TUBGCP6: variants seen among roughly 807,000 people sequenced by gnomAD.
The protein encoded by TUBGCP6 is gamma-tubulin complex component 6.
Under a neutral mutation model 175.8 loss-of-function variants are expected in TUBGCP6, and 161 were observed. The observed-to-expected ratio is 0.92, with a 90% confidence interval of 0.81 to 1.04. The LOEUF (loss-of-function observed/expected upper bound fraction) is 1.04, where lower values mean the gene tolerates loss of function less well. Among genes scored for constraint, TUBGCP6 ranks in the 50% least tolerant of loss-of-function variants. The pLI, the probability that TUBGCP6 is intolerant of heterozygous loss-of-function variation, is 0.00. For missense variants in TUBGCP6, 2,572 were observed against 2,433.0 expected, an observed-to-expected ratio of 1.06 and a Z score of -1.20; for synonymous variants, 1,173 against 1,030.5, an observed-to-expected ratio of 1.14 and a Z score of -2.65.
rs6010211 is a variant in TUBGCP6, at chr22:50,229,430, A to C, written c.1264T>G (p.Leu422Val). 1 of 1,613,608 alleles carries C rather than the reference A, an allele frequency of 6.2e-7. No homozygotes were observed. The highest frequency in any genetic ancestry group is 1.3e-5 in the African/African-American group (1 of 75,012). The change falls in exon 4 of 25, where the codon TTG (leucine) becomes GTG (valine). Residue 422 changes from leucine (L) to valine (V), a missense_variant. Transcript: ENST00000248846. ...TGGAACACGAGGCCCTTGCTGTACA[A>C]AGAGTCCAGGACGGGCTGCAGAGAG... Reference protein sequence around the residue: ...HFSLQPVLDSLYSKGLVFQAF... With the variant: ...HFSLQPVLDSVYSKGLVFQAF...
At chr22:50,236,746 G>T (rs1383673359) in intron 2 of TUBGCP6, among the ~76,000 whole-genome samples, 1 of 152,214 alleles carries the variant, frequency 6.6e-6, no homozygotes, top group East Asian at 1.9e-4. Flanking sequence ...GCTCCCTCAG[G>T]ATGAGATGAG....
chr22:50,221,203 G>C lies in TUBGCP6; in HGVS notation c.3156C>G (p.Thr1052=), dbSNP rs1365296916. The C allele has an allele frequency of 1.2e-6, 2 of 1,611,832 alleles. No homozygotes were observed. The highest frequency in any genetic ancestry group is 2.7e-5 in the African/African-American group (2 of 74,914). The change falls in exon 16 of 25, where the codon ACC becomes ACG. Residue 1052 remains threonine (T), a synonymous_variant. Coordinates refer to ENST00000248846, the MANE Select transcript of TUBGCP6 (RefSeq NM_020461.4). ...TGCTGGCGTCAGACACGTGCCCGTG[G>C]GTGTTCCACCGTGGCCGGGTGGGAG... ...EIAPTRPRWN[T]HGHVSDASIR...
chr22:50,240,056 T>G, intron 2 of TUBGCP6, 148 bp downstream of exon 2: 2 of 1,093,162 alleles, frequency 1.8e-6, no homozygotes, highest in Non-Finnish European at 2.7e-6. Context: ...CTCCCAGGAC[T>G]CAGTCAATTT....
rs762437689 is a variant in TUBGCP6, at chr22:50,218,367, G to A, written c.4990C>T (p.Arg1664Cys). 2.0e-5 allele frequency: 32 copies of A among 1,612,942 alleles called. No homozygotes were observed. Among genetic ancestry groups the A allele is most frequent in the Middle Eastern group, 1.6e-4 (1 of 6,084 alleles). ...TCGTGCTTGAACAGCTGCAGCTGAC[G>A]GAACTGCACAGAGCCGGCCATGTGG... ...LSHMAGSVQF[R>C]QLQLFKHEMQ... Residue 1664 changes from arginine to cysteine, a missense_variant, in exon 23 of 25, where the codon CGT becomes TGT. Arg to Cys is a radical substitution (Grantham distance 180, BLOSUM62 -3). Coordinates refer to ENST00000248846, the MANE Select transcript of TUBGCP6 (RefSeq NM_020461.4).
chr22:50,236,830 G>A (rs2064783485), intron 2 of TUBGCP6, among the ~76,000 whole-genome samples: 1 of 152,160 alleles, frequency 6.6e-6, no homozygotes, highest in Non-Finnish European at 1.5e-5. Context: ...CTCGGCAGGG[G>A]TGCAGGCTGT....
rs1343924079 is a variant in TUBGCP6, at chr22:50,244,476, G to A, written c.-17C>T. The A allele has an allele frequency of 3.1e-6, 5 of 1,595,406 alleles. No individual in the cohort carries two copies. The highest frequency in any genetic ancestry group is 2.2e-5 in the East Asian group (1 of 44,528). On this transcript the variant is annotated 5_prime_UTR_variant, in exon 1 of 25. Transcript: ENST00000248846. ...GCTGGCCATGCCCCTTCTCAGCTCCGGGCCCCCGGCGTGTGGGAAAACACC... is the reference window on the plus strand; with the variant it reads ...GCTGGCCATGCCCCTTCTCAGCTCCAGGCCCCCGGCGTGTGGGAAAACACC...
chr22:50,228,005 C>G lies in TUBGCP6; in HGVS notation c.1314G>C (p.Arg438Ser). 1.3e-6 allele frequency: 2 copies of G among 1,563,634 alleles called. No homozygotes were observed. Among genetic ancestry groups the G allele is most frequent in the Non-Finnish European group, 1.7e-6 (2 of 1,153,954 alleles). Residue 438 changes from arginine to serine, a missense_variant, in exon 5 of 25, where the codon AGG becomes AGC. By Grantham distance (110) the Arg-to-Ser change is moderately radical (BLOSUM62 -1). Coordinates refer to ENST00000248846, the MANE Select transcript of TUBGCP6 (RefSeq NM_020461.4). Reference protein sequence around the residue: ...VFQAFTSGLRRYLQYYRACVL... With the variant: ...VFQAFTSGLRSYLQYYRACVL... ...CGCAGGCCCGGTAATACTGCAGGTA[C>G]CTCCTCAGGCCACTGGTGAAGGCCT...
chr22:50,242,119 C>G (rs78007116), intron 1 of TUBGCP6, among the ~76,000 whole-genome samples: 2,313 of 151,880 alleles, frequency 0.015, 61 homozygotes, highest in East Asian at 0.12. Context: ...GGTGAAACCC[C>G]GTCTCTACTA....
rs763989282 is a variant in TUBGCP6 at position 50,219,098 on chromosome 22, G to C, written c.4596C>G (p.Ala1532=). 6.2e-6 allele frequency: 10 copies of C among 1,612,828 alleles called. 1 individual carries two copies. In the South Asian group the frequency reaches 1.1e-4, roughly 18 times the overall value. Residue 1532 remains alanine (A), a synonymous_variant, in exon 20 of 25, where the codon GCC becomes GCG. Transcript: ENST00000248846. ...HFLLMEDGEF[A]QSLSDLLFEK... ...CAAAGAGCAGGTCGCTGAGGGACTGGGCGAACTCGCCGTCCTCCATCAGCA... is the reference window on the plus strand; with the variant it reads ...CAAAGAGCAGGTCGCTGAGGGACTGCGCGAACTCGCCGTCCTCCATCAGCA...
At position 50,218,176 on chromosome 22, in the gene TUBGCP6, G is replaced by GAAGA; in HGVS notation, c.5168+12_5168+13insTCTT. 6.2e-7 allele frequency: 1 copy of GAAGA among 1,610,898 alleles called. No individual in the cohort carries two copies. Among genetic ancestry groups the GAAGA allele is most frequent in the Non-Finnish European group, 8.5e-7 (1 of 1,179,328 alleles). On this transcript the variant is annotated intron_variant, in intron 23 of 24. Transcript: ENST00000248846. Reference sequence around the variant, plus strand: ...CCGTGACCACAGGGACGCAGCCGCTGCCCAGGCCTCACCTGAAGACGGCCT... The same window carrying GAAGA: ...CCGTGACCACAGGGACGCAGCCGCTGAAGACCCAGGCCTCACCTGAAGACGGCCT...
chr22:50,222,475 T>C lies in TUBGCP6; in HGVS notation c.2388A>G (p.Leu796=), dbSNP rs755180687. Residue 796 remains leucine (L), a synonymous_variant, in exon 14 of 25, where the codon TTA becomes TTG. Coordinates refer to ENST00000248846, the MANE Select transcript of TUBGCP6 (RefSeq NM_020461.4). Reference sequence around the variant, plus strand: ...ATACCTGAATGTGTTTCTCATCTTCTAAGAGAAAACGAAGCCGTGCACTCT... The same window carrying C: ...ATACCTGAATGTGTTTCTCATCTTCCAAGAGAAAACGAAGCCGTGCACTCT... ...RLESARLRFL[L]EDEKHIQEML... is the part of the protein sequence containing the mutation. 1 of 1,613,876 alleles carries C rather than the reference T, an allele frequency of 6.2e-7. No individual in the cohort carries two copies. Among genetic ancestry groups the C allele is most frequent in the East Asian group, 2.2e-5 (1 of 44,888 alleles).
chr22:50,225,520 C>T lies in TUBGCP6; in HGVS notation c.1983+274G>A, dbSNP rs2064592142. 3.3e-5 allele frequency among the ~76,000 whole-genome samples: 5 copies of T among 152,074 alleles called. No individual in the cohort carries two copies. In the South Asian group the frequency reaches 6.2e-4, roughly 19 times the overall value. On this transcript the variant is annotated intron_variant, in intron 10 of 24. Coordinates refer to ENST00000248846, the MANE Select transcript of TUBGCP6 (RefSeq NM_020461.4). ...TGGGCTTCAGGCTGAGCCACCCAGA[C>T]CCAGGAGGAGAAGTCAGAGCCCCTG...
chr22:50,243,355 A>C (rs1271025423), intron 1 of TUBGCP6, among the ~76,000 whole-genome samples: 1 of 151,716 alleles, frequency 6.6e-6, no homozygotes, highest in Non-Finnish European at 1.5e-5. Context: ...CGGGAGGCTG[A>C]GGTAGGAGAA....
intron 16 of TUBGCP6, 41 bp from the exon 17 acceptor site, chr22:50,220,056 T>C (rs1262355872): frequency 1.2e-6 from 2 of 1,606,522 alleles, no homozygotes; most frequent in Admixed American, 3.4e-5. Flanking sequence ...CAGGGCCGAG[T>C]GCCTGTGGCG....
intron 1 of TUBGCP6, among the ~76,000 whole-genome samples, chr22:50,242,952 G>C (rs994532656): frequency 3.3e-5 from 5 of 152,232 alleles, no homozygotes; most frequent in African/African-American, 9.7e-5. Flanking sequence ...CCGCCAGTAA[G>C]CCCACTCCAG....
In TUBGCP6 at chr22:50,244,814, G is replaced by A. The variant is rs2064899628; in HGVS notation, c.-355C>T. Reference sequence around the variant, plus strand: ...CCGCGCAGTACAGCGGACGAACTCGGCTTTGCACCCGTTCTTCGGGACCCA... The same window carrying A: ...CCGCGCAGTACAGCGGACGAACTCGACTTTGCACCCGTTCTTCGGGACCCA... On this transcript the variant is annotated 5_prime_UTR_variant, in exon 1 of 25. Transcript: ENST00000248846. 7.7e-6 allele frequency: 2 copies of A among 258,508 alleles called. No homozygotes were observed. The highest frequency in any genetic ancestry group is 1.5e-5 in the Non-Finnish European group (2 of 133,630). 16.0% of individuals were successfully genotyped at this position (258,508 alleles called of 1,614,324 possible).
chr22:50,223,825 A>G (rs1442206354), intron 13 of TUBGCP6: 1 of 251,920 alleles, frequency 4.0e-6, no homozygotes, highest in East Asian at 8.2e-5. Context: ...TGTCAGACCA[A>G]TAACAGACTT....
Position 50,227,922 on chromosome 22 carries a change from A to G in TUBGCP6, c.1397T>C (p.Leu466Pro). 1 of 1,575,586 alleles carries G rather than the reference A, an allele frequency of 6.3e-7. No homozygotes were observed. Among genetic ancestry groups the G allele is most frequent in the Non-Finnish European group, 8.6e-7 (1 of 1,160,216 alleles). Residue 466 changes from leucine to proline, a missense_variant, in exon 5 of 25, where the codon CTT (leucine) becomes CCT (proline). Leu to Pro is a moderately conservative substitution (Grantham distance 98, BLOSUM62 -3). Transcript: ENST00000248846. ...TGAGGCTCACCTGAGCTGCCGGCCA[A>G]GTTTCTTGAAGAGAAAACCAATGGT... is the stretch of plus-strand genomic sequence containing the variant. ...LLTIGFLFKK[L>P]GRQLRYLAEL...
At chr22:50,233,265 G>T in intron 3 of TUBGCP6, 51 bp downstream of exon 3, 2 of 1,587,998 alleles carry the variant, frequency 1.3e-6, no homozygotes, top group East Asian at 2.3e-5. Flanking sequence ...ACTGCGTGGT[G>T]GAGGGCAGGC....
Sources: allele counts gnomAD v4.1 joint callset (sites outside exome capture counted in the v4.1 genomes callset), GRCh38; gene constraint gnomAD v4.1.1; transcripts MANE v1.5; gene names NCBI Gene and HGNC (gene_info 2026-07-23, HGNC 2026-07-21).